Variants in LINGO2 observed in about 807,000 individuals in gnomAD.
The protein encoded by LINGO2 is leucine rich repeat and Ig domain containing 2, also known as leucine-rich repeat and immunoglobulin-like domain-containing nogo receptor-interacting protein 2.
LINGO2 carries 14 observed loss-of-function variants against 30.6 expected under a neutral mutation model. The observed-to-expected ratio is 0.46, with a 90% CI of 0.30 to 0.72. The LOEUF (loss-of-function observed/expected upper bound fraction) is 0.72, where lower values mean the gene tolerates loss of function less well. LINGO2 is among the 30% of genes least tolerant of loss of function. The pLI is 0.07. For missense variants in LINGO2, 729 were observed against 751.7 expected, an observed-to-expected ratio of 0.97 and a Z score of 0.35; for synonymous variants, 317 against 288.5, an observed-to-expected ratio of 1.10 and a Z score of -1.00.
the LINGO2 span, among the ~76,000 whole-genome samples, chr9:28,733,148 T>G: frequency 2.3e-4 from 35 of 152,164 alleles, no homozygotes; most frequent in Non-Finnish European, 4.3e-4. Flanking sequence ...CAGGTTTAAC[T>G]TCAGCCTTAG....
chr9:28,993,225 A>T, the LINGO2 span, among the ~76,000 whole-genome samples: 88 of 152,096 alleles, frequency 5.8e-4, 1 homozygote, highest in South Asian at 0.018. Context: ...CCATCAGAGA[A>T]TACTACAAAC....
intron 4 of LINGO2, among the ~76,000 whole-genome samples, chr9:28,185,964 G>C (rs954330582): frequency 7.9e-5 from 12 of 152,076 alleles, no homozygotes; most frequent in Admixed American, 3.9e-4. Flanking sequence ...AAAAAATCTT[G>C]TCTAGGTGGA....
chr9:27,962,535 T>C (rs1819897726), intron 5 of LINGO2, among the ~76,000 whole-genome samples: 1 of 152,170 alleles, frequency 6.6e-6, no homozygotes, highest in African/African-American at 2.4e-5. Flanking sequence ...CCTTTACATC[T>C]GGAACTGCTC....
At chr9:28,431,029 TGAGAGAGAGAGAGAGAGAGAGAGAGA>T (rs57751993) in intron 2 of LINGO2, among the ~76,000 whole-genome samples, 1 of 129,450 alleles carries the variant, frequency 7.7e-6, no homozygotes. Context: ...GCATGAGTGA[TGAGAGAGAGAGAGAGAGAGAGAGAGA>T]GAGAGAGAGA....
the LINGO2 span, among the ~76,000 whole-genome samples, chr9:28,705,491 A>G: frequency 1.3e-5 from 2 of 152,012 alleles, no homozygotes; most frequent in Non-Finnish European, 2.9e-5. Context: ...ATCAGTTGGG[A>G]CCTGATAAAA....
the LINGO2 span, among the ~76,000 whole-genome samples, chr9:28,931,751 A>C: frequency 6.6e-6 from 1 of 152,188 alleles, no homozygotes; most frequent in Non-Finnish European, 1.5e-5. Flanking sequence ...TCAAATGCAA[A>C]ATGTATTTAT....
At chr9:27,960,453 A>G (rs184765018) in intron 5 of LINGO2, among the ~76,000 whole-genome samples, 12 of 152,298 alleles carry the variant, frequency 7.9e-5, no homozygotes, top group Non-Finnish European at 1.6e-4. Context: ...TCTTGCAGCT[A>G]TAATTTCCCC....
chr9:29,039,215 T>C, the LINGO2 span, among the ~76,000 whole-genome samples: 1 of 152,158 alleles, frequency 6.6e-6, no homozygotes, highest in Admixed American at 6.6e-5. Flanking sequence ...AATCCACTGA[T>C]ACTGAGAATA....
At chr9:28,066,007 C>A (rs1825303053) in intron 4 of LINGO2, among the ~76,000 whole-genome samples, 1 of 151,928 alleles carries the variant, frequency 6.6e-6, no homozygotes. Context: ...TAAAAGCTAG[C>A]CAAAGAGGTT....
chr9:28,324,354 G>A (rs946096559), intron 3 of LINGO2, among the ~76,000 whole-genome samples: 2 of 152,158 alleles, frequency 1.3e-5, no homozygotes, highest in South Asian at 2.1e-4. Context: ...AGGTATAGTT[G>A]TCAGAGGTGT....
At chr9:28,808,710 G>A in the LINGO2 span, among the ~76,000 whole-genome samples, 1 of 152,102 alleles carries the variant, frequency 6.6e-6, no homozygotes, top group African/African-American at 2.4e-5. Context: ...ATAATGACCA[G>A]ACATAAAACC....
chr9:27,989,978 C>A (rs1248952856), intron 5 of LINGO2, among the ~76,000 whole-genome samples: 1 of 152,016 alleles, frequency 6.6e-6, no homozygotes, highest in Non-Finnish European at 1.5e-5. Context: ...AGAAGTGGTT[C>A]CAGCTCTAGG....
At chr9:28,675,705 T>C in the LINGO2 span, among the ~76,000 whole-genome samples, 2 of 151,442 alleles carry the variant, frequency 1.3e-5, no homozygotes, top group Non-Finnish European at 2.9e-5. Context: ...ACCCTGTCTC[T>C]ACTAAACATA....
In LINGO2 at chr9:28,594,514, C is replaced by T. The variant is rs189315464; in HGVS notation, c.-365+75686G>A. ...GATGCCTAGTTGTACTTTTCATTTA[C>T]GCTTGCACTTGCCTTCTTCTGGAAC... is the stretch of plus-strand genomic sequence containing the variant. On this transcript the variant is annotated intron_variant, in intron 1 of 5. Coordinates refer to ENST00000379992, the Ensembl canonical transcript of LINGO2. Among the ~76,000 whole-genome samples, 81 of 152,190 alleles carry T rather than the reference C, an allele frequency of 5.3e-4. 1 individual carries two copies. The highest frequency in any genetic ancestry group is 1.8e-3 in the African/African-American group (74 of 41,574).
At chr9:28,907,324 G>A in the LINGO2 span, among the ~76,000 whole-genome samples, 1 of 152,014 alleles carries the variant, frequency 6.6e-6, no homozygotes, top group Non-Finnish European at 1.5e-5. Context: ...GCTAAGCATA[G>A]TAACAGTAGC....
chr9:28,223,575 T>G (rs769830019), intron 4 of LINGO2, among the ~76,000 whole-genome samples: 1 of 152,182 alleles, frequency 6.6e-6, no homozygotes, highest in Non-Finnish European at 1.5e-5. Context: ...AATTAGATGC[T>G]TATCAGGCTG....
chr9:28,266,098 C>T (rs1010070154), intron 4 of LINGO2, among the ~76,000 whole-genome samples: 1 of 151,924 alleles, frequency 6.6e-6, no homozygotes, highest in Non-Finnish European at 1.5e-5. Context: ...TATGCCTTTT[C>T]TTTAATATAC....
At chr9:28,745,275 C>T in the LINGO2 span, among the ~76,000 whole-genome samples, 5 of 151,994 alleles carry the variant, frequency 3.3e-5, no homozygotes, top group African/African-American at 1.2e-4. Flanking sequence ...TGTATTTAAG[C>T]TTCATGTAGT....
At chr9:28,801,241 G>T in the LINGO2 span, among the ~76,000 whole-genome samples, 1 of 152,198 alleles carries the variant, frequency 6.6e-6, no homozygotes, top group South Asian at 2.1e-4. Context: ...ATGCAAAGCT[G>T]TTCAAGATAG....
Sources: allele counts gnomAD v4.1 joint callset (sites outside exome capture counted in the v4.1 genomes callset), GRCh38; gene constraint gnomAD v4.1.1; transcripts MANE v1.5; gene names NCBI Gene and HGNC (gene_info 2026-07-23, HGNC 2026-07-21).